The following LRP2 variants were observed in gnomAD, a reference collection of about 807,000 sequenced individuals.
The protein encoded by LRP2 is low-density lipoprotein receptor-related protein 2.
In LRP2, 172 loss-of-function variants were observed where a neutral mutation model predicts 531.0. The ratio of observed to expected loss-of-function variants is 0.32; its 90% CI spans 0.29 to 0.37. LRP2 has a LOEUF of 0.37. Among genes scored for constraint, LRP2 ranks in the 10% least tolerant of loss-of-function variants. The probability of loss-of-function intolerance (pLI) is 1.00; values close to 1 mark genes in which losing one functional copy is unlikely to be tolerated. For synonymous variants in LRP2, 1,992 were observed against 2,027.6 expected (o/e 0.98, Z 0.47); for missense variants, 5,167 against 5,868.3 (o/e 0.88, Z 3.90).
chr2:169,301,629 C>T (rs1213032126), intron 4 of LRP2, among the ~76,000 whole-genome samples: 1 of 152,084 alleles, frequency 6.6e-6, no homozygotes, highest in Non-Finnish European at 1.5e-5. Flanking sequence ...AAGAATCTCT[C>T]ATACTATACC....
At chr2:169,223,694 C>T (rs2268368) in intron 33 of LRP2, among the ~76,000 whole-genome samples, 51,351 of 151,986 alleles carry the variant, frequency 0.34, 8,963 homozygotes, top group South Asian at 0.6. Context: ...TTCTTAGCTT[C>T]TGTGGGCCTT....
At chr2:169,324,880 G>C (rs1045624357) in intron 1 of LRP2, among the ~76,000 whole-genome samples, 1 of 152,090 alleles carries the variant, frequency 6.6e-6, no homozygotes. Flanking sequence ...ATGTTCGTCA[G>C]GAAGTGTAGA....
intron 20 of LRP2, 87 bp from the exon 21 acceptor site, chr2:169,247,073 G>T: frequency 6.8e-7 from 1 of 1,478,290 alleles, no homozygotes; most frequent in Non-Finnish European, 9.3e-7. Flanking sequence ...AAACAAACAG[G>T]ACAAAACATT....
chr2:169,311,136 CT>C (rs1480667926), intron 3 of LRP2, among the ~76,000 whole-genome samples: 1 of 152,032 alleles, frequency 6.6e-6, no homozygotes, highest in African/African-American at 2.4e-5. Context: ...TTTTGTTGAT[CT>C]TTTCAAAAAA....
intron 9 of LRP2, among the ~76,000 whole-genome samples, chr2:169,286,182 C>A (rs1166047250): frequency 6.6e-6 from 1 of 152,190 alleles, no homozygotes; most frequent in African/African-American, 2.4e-5. Flanking sequence ...AACTCAGAGG[C>A]AAATGACACA....
chr2:169,292,067 T>A (rs368394981), intron 7 of LRP2, among the ~76,000 whole-genome samples, 186 bp downstream of exon 7: 1 of 152,136 alleles, frequency 6.6e-6, no homozygotes. Context: ...TGAATCTTCT[T>A]AGGAGAAGTT....
chr2:169,201,507 G>C (rs148231119), intron 44 of LRP2, 121 bp downstream of exon 44: 1 of 1,384,736 alleles, frequency 7.2e-7, no homozygotes, highest in East Asian at 2.5e-5. Flanking sequence ...AAAAATTTAC[G>C]TTTTAGATAA....
At chr2:169,248,175 C>T (rs753456130) in intron 19 of LRP2, among the ~76,000 whole-genome samples, 9 of 152,048 alleles carry the variant, frequency 5.9e-5, no homozygotes, top group African/African-American at 9.7e-5. Context: ...AAGAGAGAGG[C>T]GACATAAGAT....
chr2:169,172,142 G>T lies in LRP2; in HGVS notation c.11144-8C>A. On this transcript the variant is annotated splice_polypyrimidine_tract_variant and splice_region_variant and intron_variant, in intron 57 of 78. Transcript: ENST00000649046. ...GATGGCATGTCCTCTCCTCTGCAAA[G>T]CAGTCATTGCAAAGACTTCATAAAC... The T allele has an allele frequency of 3.7e-6, 6 of 1,614,088 alleles. No homozygotes were observed. The highest frequency in any genetic ancestry group is 5.1e-6 in the Non-Finnish European group (6 of 1,179,956).
intron 48 of LRP2, 100 bp from the exon 49 acceptor site, chr2:169,188,365 C>G (rs1687708774): frequency 8.9e-7 from 1 of 1,127,800 alleles, no homozygotes; most frequent in African/African-American, 1.5e-5. Context: ...ACCTAAATGC[C>G]AGGTCAACCA....
At chr2:169,316,988 GC>G (rs754451544) in intron 3 of LRP2, among the ~76,000 whole-genome samples, 4 of 152,144 alleles carry the variant, frequency 2.6e-5, no homozygotes, top group Non-Finnish European at 4.4e-5. Flanking sequence ...AAGGAAAAGT[GC>G]CCATTGGCAA....
intron 44 of LRP2, among the ~76,000 whole-genome samples, chr2:169,200,263 A>C (rs1008222567): frequency 2.0e-5 from 3 of 152,088 alleles, no homozygotes; most frequent in East Asian, 1.9e-4. Flanking sequence ...AAAAATAAAA[A>C]AATTTTTTTT....
intron 19 of LRP2, among the ~76,000 whole-genome samples, chr2:169,248,376 G>C (rs1690097745): frequency 6.6e-6 from 1 of 152,156 alleles, no homozygotes; most frequent in South Asian, 2.1e-4. Flanking sequence ...TTCCTTATCT[G>C]TGGTCTAATC....
intron 24 of LRP2, 68 bp from the exon 25 acceptor site, chr2:169,241,433 CAG>C (rs1168136786): frequency 1.3e-6 from 2 of 1,561,818 alleles, no homozygotes; most frequent in Non-Finnish European, 1.8e-6. Flanking sequence ...AGTCTAGACT[CAG>C]AGGAAATGAT....
intron 1 of LRP2, among the ~76,000 whole-genome samples, chr2:169,360,428 A>G (rs1358214754): frequency 1.4e-5 from 2 of 140,906 alleles, no homozygotes; most frequent in Non-Finnish European, 3.3e-5. Context: ...ACACATTATT[A>G]TTATATATTA....
intron 16 of LRP2, among the ~76,000 whole-genome samples, chr2:169,265,290 C>T (rs1045090963): frequency 7.9e-5 from 12 of 152,008 alleles, no homozygotes; most frequent in Non-Finnish European, 1.6e-4. Flanking sequence ...ACTAATGTTG[C>T]CTTGGGGAGC....
intron 53 of LRP2, among the ~76,000 whole-genome samples, chr2:169,177,262 C>A (rs1241309483): frequency 3.9e-5 from 6 of 152,110 alleles, no homozygotes; most frequent in African/African-American, 1.4e-4. Flanking sequence ...GACTCTAAAT[C>A]ATAAAGTTGC....
Position 169,157,416 on chromosome 2 carries a change from T to C in LRP2, c.11974A>G (p.Thr3992Ala). 1.2e-6 allele frequency: 2 copies of C among 1,613,412 alleles called. No homozygotes were observed. The highest frequency in any genetic ancestry group is 1.7e-6 in the Non-Finnish European group (2 of 1,179,572). ...LNEGGFICSC[T>A]AGFETNVFDR... ...AAAACATTGGTTTCGAACCCAGCTG[T>C]ACAGGAGCAGATAAATCCTCCTTCA... Residue 3992 changes from threonine to alanine, a missense_variant, in exon 64 of 79, where the codon ACA becomes GCA. Around this residue, in one of 6 missense-constraint regions of LRP2, gnomAD observed 564 missense variants for 747.7 expected, o/e 0.75. Coordinates refer to ENST00000649046, the MANE Select transcript of LRP2 (RefSeq NM_004525.3).
chr2:169,224,506 T>C (rs1479023034), intron 33 of LRP2, among the ~76,000 whole-genome samples: 1 of 152,232 alleles, frequency 6.6e-6, no homozygotes, highest in African/African-American at 2.4e-5. Flanking sequence ...AGTTTCTACT[T>C]TCTGTTTTGC....
Sources: allele counts gnomAD v4.1 joint callset (sites outside exome capture counted in the v4.1 genomes callset), GRCh38; gene constraint gnomAD v4.1.1; regional missense constraint gnomAD v4.1.1; transcripts MANE v1.5; gene names NCBI Gene and HGNC (gene_info 2026-07-23, HGNC 2026-07-21).